KARS1: variants seen among roughly 807,000 people sequenced by gnomAD.
The protein encoded by KARS1 is lysyl-tRNA synthetase 1.
Under a neutral mutation model 63.9 loss-of-function variants are expected in KARS1, and 50 were observed. That is an observed-to-expected ratio of 0.78 (90% CI 0.62 to 0.99). The LOEUF is 0.99. Ranked by LOEUF, KARS1 falls within the 50% of genes least tolerant of loss-of-function variation. KARS1 has a pLI of 0.00. For synonymous variants in KARS1, 320 were observed against 264.6 expected (o/e 1.21, Z -2.03); for missense variants, 816 against 754.5 (o/e 1.08, Z -0.95).
At chr16:75,635,653 T>C (rs2082152950) in intron 6 of KARS1, 27 bp downstream of exon 6, 4 of 1,612,956 alleles carry the variant, frequency 2.5e-6, no homozygotes, top group East Asian at 4.5e-5. Flanking sequence ...AGGCAGCTCA[T>C]CACGTCAGGC....
intron 1 of KARS1, chr16:75,647,366 C>A: frequency 1.6e-6 from 1 of 644,322 alleles, no homozygotes; most frequent in Non-Finnish European, 2.8e-6. Flanking sequence ...AGGGAGCATC[C>A]CGCCGGTGCC....
At chr16:75,645,161 C>T (rs1438407119) in intron 1 of KARS1, among the ~76,000 whole-genome samples, 1 of 152,058 alleles carries the variant, frequency 6.6e-6, no homozygotes, top group African/African-American at 2.4e-5. Context: ...AAATTTCAGA[C>T]CAAGGAATTC....
intron 1 of KARS1, chr16:75,644,241 A>G: frequency 6.5e-7 from 1 of 1,542,688 alleles, no homozygotes; most frequent in African/African-American, 1.4e-5. Context: ...TAAGGAAATA[A>G]TTTTTGCTTC....
chr16:75,630,547 G>T (rs757028497), intron 10 of KARS1, 39 bp from the exon 11 acceptor site: 3 of 1,319,734 alleles, frequency 2.3e-6, no homozygotes, highest in Non-Finnish European at 3.3e-6. Context: ...CACCATTTCT[G>T]AATAGTATTT....
Position 75,647,584 on chromosome 16 carries a change from C to G in KARS1, c.56G>C (p.Ser19Thr), listed in dbSNP as rs1385774567. 6.2e-7 allele frequency: 1 copy of G among 1,613,690 alleles called. No homozygotes were observed. Among genetic ancestry groups the G allele is most frequent in the Non-Finnish European group, 8.5e-7 (1 of 1,179,802 alleles). The change falls in exon 1 of 14, where the codon AGC becomes ACC. Residue 19 changes from serine (S) to threonine (T), a missense_variant. Physicochemically the swap from Ser to Thr is moderately conservative, Grantham distance 58. Coordinates refer to ENST00000302445, the MANE Select transcript of KARS1 (RefSeq NM_005548.3). ...VKVDGSEPKL[S>T]KNELKRRLKA... is the part of the protein sequence containing the mutation. ...GACTCGCAGCGACACTCACTTCTTGCTCAGTTTCGGCTCGCTGCCATCCAC... is the reference window on the plus strand; with the variant it reads ...GACTCGCAGCGACACTCACTTCTTGGTCAGTTTCGGCTCGCTGCCATCCAC...
chr16:75,642,080 T>A (rs79309890), intron 1 of KARS1, among the ~76,000 whole-genome samples: 1 of 151,332 alleles, frequency 6.6e-6, no homozygotes, highest in Non-Finnish European at 1.5e-5. Flanking sequence ...AAAATTAGAA[T>A]AGGCTTTTCT....
chr16:75,635,367 C>T (rs530387443), intron 6 of KARS1: 39 of 343,578 alleles, frequency 1.1e-4, no homozygotes, highest in Non-Finnish European at 2.0e-4. Flanking sequence ...TTTTATGGTA[C>T]GTGTGTTTGC....
At chr16:75,646,166 T>C (rs2082281134) in intron 1 of KARS1, among the ~76,000 whole-genome samples, 1 of 152,200 alleles carries the variant, frequency 6.6e-6, no homozygotes, top group Non-Finnish European at 1.5e-5. Context: ...TATATTAAGG[T>C]CCTACCCAAC....
At chr16:75,634,445 C>T (rs995278439) in intron 6 of KARS1, among the ~76,000 whole-genome samples, 153 bp from the exon 7 acceptor site, 2 of 152,218 alleles carry the variant, frequency 1.3e-5, no homozygotes, top group Non-Finnish European at 2.9e-5. Context: ...CAAAAAAGGA[C>T]ACTATGATTT....
chr16:75,640,367 A>G lies in KARS1; in HGVS notation c.223-18T>C, dbSNP rs2151809514. On this transcript the variant is annotated intron_variant, in intron 2 of 13. Transcript: ENST00000302445. ...TAGTATTGCTGTTAAAAAAAAAAAA[A>G]AAAAAGCCCTTCAGAAGTTGAACCT... The G allele has an allele frequency of 1.2e-6, 2 of 1,613,048 alleles. No homozygotes were observed. Among genetic ancestry groups the G allele is most frequent in the Non-Finnish European group, 1.7e-6 (2 of 1,179,886 alleles).
chr16:75,628,449 C>G, intron 13 of KARS1, 120 bp downstream of exon 13: 1 of 1,177,114 alleles, frequency 8.5e-7, no homozygotes, highest in Non-Finnish European at 1.3e-6. Flanking sequence ...AACTCCTCTG[C>G]CTGCTCCTCT....
chr16:75,633,718 T>C (rs369707532), intron 7 of KARS1, among the ~76,000 whole-genome samples: 1 of 152,160 alleles, frequency 6.6e-6, no homozygotes, highest in Admixed American at 6.5e-5. Flanking sequence ...GGTTTCACCA[T>C]GTTGGCCAGG....
chr16:75,631,723 G>C lies in KARS1; in HGVS notation c.1048C>G (p.Leu350Val). Residue 350 changes from leucine (L) to valine (V), a missense_variant, in exon 8 of 14, where the codon CTC becomes GTC. Leu to Val is a conservative substitution (Grantham distance 32). Coordinates refer to ENST00000302445, the MANE Select transcript of KARS1 (RefSeq NM_005548.3). Reference sequence around the variant, plus strand: ...ACCATCTTCTCCGTGATTTCCATGAGATCGTGATAGTCTGCATAGGCCATG... The same window carrying C: ...ACCATCTTCTCCGTGATTTCCATGACATCGTGATAGTCTGCATAGGCCATG... Reference protein sequence around the residue: ...FYMAYADYHDLMEITEKMVSG... With the variant: ...FYMAYADYHDVMEITEKMVSG... 1 of 1,614,216 alleles carries C rather than the reference G, an allele frequency of 6.2e-7. No homozygotes were observed. Among genetic ancestry groups the C allele is most frequent in the Non-Finnish European group, 8.5e-7 (1 of 1,180,026 alleles).
chr16:75,640,610 T>C (rs573583196), intron 2 of KARS1, among the ~76,000 whole-genome samples: 2 of 152,360 alleles, frequency 1.3e-5, no homozygotes, highest in South Asian at 2.1e-4. Flanking sequence ...AAAAGTTTAA[T>C]TTTTAATTGG....
chr16:75,628,968 G>A, intron 12 of KARS1: 2 of 537,022 alleles, frequency 3.7e-6, no homozygotes, highest in Non-Finnish European at 6.7e-6. Context: ...TGCTGCTTGG[G>A]GCTCTGGGAC....
chr16:75,644,477 A>G, intron 1 of KARS1: 1 of 1,568,252 alleles, frequency 6.4e-7, no homozygotes, highest in Non-Finnish European at 8.7e-7. Flanking sequence ...CGGGAAACAC[A>G]GAGATGTGGT....
rs774089333 is a variant in KARS1 at position 75,635,781 on chromosome 16, A to G, written c.694T>C (p.Leu232=). 1.9e-6 allele frequency: 3 copies of G among 1,614,070 alleles called. No homozygotes were observed. The highest frequency in any genetic ancestry group is 1.1e-5 in the South Asian group (1 of 91,090). ...ACAAAGTCATTCAGGATCAAGTCCA[A>G]GTATCTCTGGCGATACCTTGTTTCC... ...DKETRYRQRY[L]DLILNDFVRQ... is the part of the protein sequence containing the mutation. Residue 232 remains leucine, a synonymous_variant, in exon 6 of 14, where the codon TTG becomes CTG. Transcript: ENST00000302445.
At position 75,631,955 on chromosome 16, in the gene KARS1, T is replaced by G. The variant is rs762017257; in HGVS notation, c.916-100A>C. 3.1e-4 allele frequency: 439 copies of G among 1,405,044 alleles called. 1 individual carries two copies. Among genetic ancestry groups the G allele is most frequent in the Admixed American group, 1.6e-3 (97 of 59,462 alleles). The allele number at this position is 1,405,044 out of a possible 1,614,324, so 87.0% of individuals were successfully genotyped here. On this transcript the variant is annotated intron_variant, in intron 7 of 13. Coordinates refer to ENST00000302445, the MANE Select transcript of KARS1 (RefSeq NM_005548.3). ...TAGGCTGGAGTGCAATGGCAAGATC[T>G]CAGCTCACCGCAACCTCCGCCTCCT... is the stretch of plus-strand genomic sequence containing the variant.
At position 75,630,532 on chromosome 16, in the gene KARS1, T is replaced by C. The variant is rs751359967; in HGVS notation, c.1339-24A>G. ...AGCTTAATGAGAAAGCAAAGCAGAG[T>C]CAGTCACCATTTCTGAATAGTATTT... On this transcript the variant is annotated intron_variant, in intron 10 of 13. Coordinates refer to ENST00000302445, the MANE Select transcript of KARS1 (RefSeq NM_005548.3). 13 of 1,452,030 alleles carry C rather than the reference T, an allele frequency of 9.0e-6. No homozygotes were observed. The South Asian group carries it at 1.4e-4, about 15-fold the overall frequency. The allele number at this position is 1,452,030 out of a possible 1,614,324, so 89.9% of individuals were successfully genotyped here.
Sources: gnomAD v4.1 joint callset for allele counts (sites outside exome capture counted in the v4.1 genomes callset) on GRCh38, gnomAD v4.1.1 for gene constraint, MANE v1.5 for transcripts, NCBI Gene and HGNC (gene_info 2026-07-23, HGNC 2026-07-21) for gene names.